Variants in SLC25A26 observed in about 807,000 individuals in gnomAD.
SLC25A26 encodes solute carrier family 25 member 26.
Under a neutral mutation model 37.8 loss-of-function variants are expected in SLC25A26, and 36 were observed. That is an observed-to-expected ratio of 0.95 (90% CI 0.73 to 1.26). The LOEUF (loss-of-function observed/expected upper bound fraction) is 1.26, where lower values mean the gene tolerates loss of function less well. SLC25A26 is among the 50% of genes most tolerant of loss of function. SLC25A26 has a pLI of 0.00. For missense variants in SLC25A26, 390 were observed against 331.1 expected (o/e 1.18, Z -1.38); for synonymous variants, 129 against 122.5 (o/e 1.05, Z -0.35).
At chr3:66,360,925 C>T (rs1411852460) in intron 6 of SLC25A26, among the ~76,000 whole-genome samples, 1 of 152,002 alleles carries the variant, frequency 6.6e-6, no homozygotes, top group Non-Finnish European at 1.5e-5. Flanking sequence ...TATGGAAATG[C>T]AAAATATTTA....
At chr3:66,193,622 C>T (rs1218881361) in intron 1 of SLC25A26, among the ~76,000 whole-genome samples, 1 of 151,476 alleles carries the variant, frequency 6.6e-6, no homozygotes, top group South Asian at 2.1e-4. Flanking sequence ...TCCACAAATT[C>T]AGAATTGTTT....
At chr3:66,195,683 C>A (rs1261340608) in intron 1 of SLC25A26, among the ~76,000 whole-genome samples, 1 of 152,210 alleles carries the variant, frequency 6.6e-6, no homozygotes, top group Non-Finnish European at 1.5e-5. Flanking sequence ...GGGTGTATTA[C>A]AGTAGGTGCC....
At chr3:66,220,905 C>G, upstream of SLC25A26, 1 of 649,658 alleles carries the variant, frequency 1.5e-6, no homozygotes, top group East Asian at 3.1e-5. Flanking sequence ...CCCGAGGCCC[C>G]GCCCCTCCTC....
chr3:66,279,850 A>C (rs918154609), intron 5 of SLC25A26, among the ~76,000 whole-genome samples: 1 of 152,160 alleles, frequency 6.6e-6, no homozygotes, highest in Non-Finnish European at 1.5e-5. Context: ...ATTATCAGTG[A>C]ATTTTTCCAT....
chr3:66,299,323 G>T (rs1444474059), intron 5 of SLC25A26, among the ~76,000 whole-genome samples: 2 of 152,084 alleles, frequency 1.3e-5, no homozygotes, highest in African/African-American at 4.8e-5. Flanking sequence ...CTCCCGAGTA[G>T]CTGGGACTAC....
intron 5 of SLC25A26, among the ~76,000 whole-genome samples, chr3:66,291,107 T>A (rs1264207292): frequency 6.6e-6 from 1 of 152,150 alleles, no homozygotes; most frequent in Non-Finnish European, 1.5e-5. Context: ...TGCATAGAGG[T>A]GTTTATAGTA....
intron 1 of SLC25A26, among the ~76,000 whole-genome samples, chr3:66,147,170 T>G (rs2070131587): frequency 7.0e-6 from 1 of 143,476 alleles, no homozygotes; most frequent in South Asian, 2.4e-4. Context: ...TCTTTTCTCT[T>G]TTCTTTTTTT....
intron 3 of SLC25A26, among the ~76,000 whole-genome samples, chr3:66,247,022 C>T (rs1342942419): frequency 6.6e-6 from 1 of 151,988 alleles, no homozygotes; most frequent in Non-Finnish European, 1.5e-5. Flanking sequence ...CCACCACACC[C>T]GGCTAATTTT....
At chr3:66,278,141 T>TA (rs2074218401) in intron 5 of SLC25A26, among the ~76,000 whole-genome samples, 1 of 152,280 alleles carries the variant, frequency 6.6e-6, no homozygotes, top group African/African-American at 2.4e-5. Context: ...TTATTAACAT[T>TA]AGAGAAGCCA....
At chr3:66,179,886 C>A (rs1203876365) in intron 1 of SLC25A26, among the ~76,000 whole-genome samples, 1 of 152,052 alleles carries the variant, frequency 6.6e-6, no homozygotes, top group African/African-American at 2.4e-5. Flanking sequence ...ATAAAATGTG[C>A]CAGATTGATG....
chr3:66,364,320 C>T lies in SLC25A26; in HGVS notation c.568+1391C>T, dbSNP rs183480134. On this transcript the variant is annotated intron_variant, in intron 7 of 9. Coordinates refer to ENST00000354883, the MANE Select transcript of SLC25A26 (RefSeq NM_001379210.1). The stretch of plus-strand genomic sequence containing the variant: ...CAGAAGGAGTGAGAGAAGGGAACTT[C>T]CTATCAGACATCCTCTATCTATGTG... 1.3e-3 allele frequency among the ~76,000 whole-genome samples: 191 copies of T among 152,308 alleles called. 1 individual carries two copies. The highest frequency in any genetic ancestry group is 4.3e-3 in the African/African-American group (179 of 41,560).
At chr3:66,187,115 G>A (rs1214103983) in intron 1 of SLC25A26, among the ~76,000 whole-genome samples, 1 of 151,396 alleles carries the variant, frequency 6.6e-6, no homozygotes, top group Non-Finnish European at 1.5e-5. Flanking sequence ...CCCTGACCCT[G>A]ATCCTCAACC....
chr3:66,270,805 G>C (rs191068832), intron 5 of SLC25A26, among the ~76,000 whole-genome samples: 11 of 152,244 alleles, frequency 7.2e-5, no homozygotes, highest in Admixed American at 6.5e-4. Context: ...GAACAATTGA[G>C]TAAAATTATC....
intron 3 of SLC25A26, among the ~76,000 whole-genome samples, chr3:66,249,316 C>G (rs568081970): frequency 1.3e-5 from 2 of 152,148 alleles, no homozygotes; most frequent in African/African-American, 2.4e-5. Context: ...CGTTGGACCC[C>G]CTTTGTACCA....
chr3:66,331,366 A>C (rs1471473120), intron 5 of SLC25A26, among the ~76,000 whole-genome samples: 1 of 152,156 alleles, frequency 6.6e-6, no homozygotes, highest in Non-Finnish European at 1.5e-5. Flanking sequence ...GGTTTGTGAT[A>C]TACTGTTTTC....
chr3:66,243,540 G>C (rs1331744813), intron 3 of SLC25A26, among the ~76,000 whole-genome samples: 2 of 152,212 alleles, frequency 1.3e-5, no homozygotes, highest in South Asian at 4.1e-4. Flanking sequence ...TAATTTACAA[G>C]AGACAGATGT....
chr3:66,338,498 C>T (rs1464175829), intron 5 of SLC25A26, among the ~76,000 whole-genome samples: 12 of 151,990 alleles, frequency 7.9e-5, no homozygotes, highest in East Asian at 1.9e-4. Context: ...CACCTCATTG[C>T]GGCTTCTAAA....
chr3:66,220,867 T>C (rs1468727945), upstream of SLC25A26: 17 of 583,264 alleles, frequency 2.9e-5, no homozygotes, highest in Non-Finnish European at 3.9e-5. Flanking sequence ...AGGTAAGGGA[T>C]TTGCCGAGAC....
At chr3:66,324,702 C>CTAGA (rs2075790455) in intron 5 of SLC25A26, among the ~76,000 whole-genome samples, 1 of 152,064 alleles carries the variant, frequency 6.6e-6, no homozygotes, top group African/African-American at 2.4e-5. Context: ...GCTTGGGAGG[C>CTAGA]TAGAAGCAAG....
Sources: allele counts gnomAD v4.1 joint callset (sites outside exome capture counted in the v4.1 genomes callset), GRCh38; gene constraint gnomAD v4.1.1; transcripts MANE v1.5; gene names NCBI Gene and HGNC (gene_info 2026-07-23, HGNC 2026-07-21).